DZIP3: variants seen among roughly 807,000 people sequenced by gnomAD.
DZIP3 encodes the protein E3 ubiquitin-protein ligase DZIP3.
In DZIP3, 118 loss-of-function variants were observed where a neutral mutation model predicts 162.0. The observed-to-expected ratio is 0.73, with a 90% CI of 0.63 to 0.85. The LOEUF is 0.85. Among genes scored for constraint, DZIP3 ranks in the 40% least tolerant of loss-of-function variants. The probability of loss-of-function intolerance (pLI) is 0.00; values close to 1 mark genes in which losing one functional copy is unlikely to be tolerated. For synonymous variants in DZIP3, 438 were observed against 458.6 expected (o/e 0.96, Z 0.57); for missense variants, 1,331 against 1,407.0 (o/e 0.95, Z 0.86).
intron 4 of DZIP3, among the ~76,000 whole-genome samples, chr3:108,615,173 A>T (rs917047397): frequency 6.6e-6 from 1 of 152,218 alleles, no homozygotes; most frequent in Non-Finnish European, 1.5e-5. Context: ...TCAGCTCTCC[A>T]GAGATTGCCT....
intron 5 of DZIP3, among the ~76,000 whole-genome samples, chr3:108,621,183 T>A (rs754692456): frequency 7.9e-5 from 12 of 152,360 alleles, no homozygotes; most frequent in Non-Finnish European, 1.5e-4. Context: ...TATTATTTAA[T>A]GTGTTCTTGA....
At chr3:108,648,769 C>A in intron 16 of DZIP3, 149 bp from the exon 17 acceptor site, 3 of 362,648 alleles carry the variant, frequency 8.3e-6, no homozygotes, top group Admixed American at 5.1e-5. Flanking sequence ...ATGATAAAAA[C>A]AAAAATAATT....
intron 19 of DZIP3, among the ~76,000 whole-genome samples, chr3:108,660,745 A>G (rs1368376901): frequency 1.3e-5 from 2 of 152,052 alleles, no homozygotes; most frequent in Admixed American, 6.6e-5. Flanking sequence ...CTCATCTGAC[A>G]AAGGGCTAAT....
rs149366897 is a variant in DZIP3, at chr3:108,667,723, TTAAC to T, written c.2424-1955_2424-1952del. 6.9e-3 allele frequency among the ~76,000 whole-genome samples: 1,044 copies of T among 152,290 alleles called. 5 individuals are homozygous for T. Among genetic ancestry groups the T allele is most frequent in the African/African-American group, 0.024 (986 of 41,576 alleles). On this transcript the variant is annotated intron_variant, in intron 21 of 32. Transcript: ENST00000361582. The stretch of plus-strand genomic sequence containing the variant: ...TTACAATTATCTTGAAATAAAAAGT[TTAAC>T]TATTTTAAAAAGTACATAATGAAAA...
At chr3:108,686,228 G>A (rs1197887000) in intron 27 of DZIP3, among the ~76,000 whole-genome samples, 2 of 152,188 alleles carry the variant, frequency 1.3e-5, no homozygotes, top group African/African-American at 4.8e-5. Context: ...AAAAGGGATT[G>A]TGTATGCCAG....
At chr3:108,650,236 T>A (rs1942802577) in intron 17 of DZIP3, among the ~76,000 whole-genome samples, 1 of 151,832 alleles carries the variant, frequency 6.6e-6, no homozygotes, top group South Asian at 2.1e-4. Context: ...TGAGAAATAA[T>A]CCATTATGCT....
intron 25 of DZIP3, among the ~76,000 whole-genome samples, chr3:108,676,903 G>A (rs1944131615): frequency 6.6e-6 from 1 of 152,036 alleles, no homozygotes; most frequent in Admixed American, 6.6e-5. Flanking sequence ...CAAAAGTGGG[G>A]ACAATGCCAA....
At chr3:108,627,058 C>G (rs1941620642) in intron 7 of DZIP3, among the ~76,000 whole-genome samples, 1 of 152,154 alleles carries the variant, frequency 6.6e-6, no homozygotes, top group South Asian at 2.1e-4. Context: ...ACTTCTTGTT[C>G]ACTGGGTCTG....
chr3:108,650,844 T>C (rs1423162341), intron 17 of DZIP3, among the ~76,000 whole-genome samples: 2 of 151,622 alleles, frequency 1.3e-5, no homozygotes, highest in African/African-American at 2.4e-5. Flanking sequence ...TAGTAGATAA[T>C]AAGACCAATT....
intron 8 of DZIP3, among the ~76,000 whole-genome samples, chr3:108,629,572 CTTCA>C: frequency 6.6e-6 from 1 of 152,096 alleles, no homozygotes; most frequent in East Asian, 1.9e-4. Context: ...TATATTTCTT[CTTCA>C]AATGGAAAAA....
At chr3:108,665,767 C>A (rs980901386) in intron 21 of DZIP3, among the ~76,000 whole-genome samples, 1 of 151,988 alleles carries the variant, frequency 6.6e-6, no homozygotes. Flanking sequence ...ACAGATTTTT[C>A]GTTTGAAACC....
intron 21 of DZIP3, among the ~76,000 whole-genome samples, chr3:108,666,587 C>A (rs1262983120): frequency 1.3e-5 from 2 of 152,152 alleles, no homozygotes; most frequent in African/African-American, 4.8e-5. Context: ...CAGTAGAATA[C>A]ACATGCTTTC....
chr3:108,636,716 T>A lies in DZIP3; in HGVS notation c.1011+8T>A. The A allele has an allele frequency of 6.6e-7, 1 of 1,506,344 alleles. No individual in the cohort carries two copies. Among genetic ancestry groups the A allele is most frequent in the Non-Finnish European group, 8.8e-7 (1 of 1,136,832 alleles). 93.3% of individuals were successfully genotyped at this position (1,506,344 alleles called of 1,614,324 possible). ...GGAATTGTTAAAATTTTGGTGAGTA[T>A]CTTGTTTTGTCCTTTTTTTTTTTTC... On this transcript the variant is annotated splice_region_variant and intron_variant, in intron 11 of 32. Coordinates refer to ENST00000361582, the MANE Select transcript of DZIP3 (RefSeq NM_014648.4).
chr3:108,680,298 A>G (rs1944259235), intron 26 of DZIP3, among the ~76,000 whole-genome samples: 1 of 152,104 alleles, frequency 6.6e-6, no homozygotes, highest in African/African-American at 2.4e-5. Flanking sequence ...TAGCCAGAGC[A>G]GTTAGGCAAG....
chr3:108,632,912 A>G, intron 8 of DZIP3, 41 bp from the exon 9 acceptor site: 2 of 1,168,976 alleles, frequency 1.7e-6, no homozygotes. Context: ...TTAATTTATT[A>G]TTAGTAATTC....
chr3:108,616,265 AAAATAAATAAAT>A (rs200164808), intron 4 of DZIP3, among the ~76,000 whole-genome samples: 88 of 145,376 alleles, frequency 6.1e-4, no homozygotes, highest in South Asian at 2.2e-3. Context: ...CTCCATCTCA[AAAATAAATAAAT>A]AAATAAATAA....
At chr3:108,646,342 C>A (rs572764118) in intron 14 of DZIP3, among the ~76,000 whole-genome samples, 1 of 152,128 alleles carries the variant, frequency 6.6e-6, no homozygotes, top group South Asian at 2.1e-4. Flanking sequence ...CATAAATATT[C>A]GTTGCTTGGT....
In DZIP3 at chr3:108,648,913, A is replaced by G. The variant is rs748043352; in HGVS notation, c.1963-5A>G. 8.5e-6 allele frequency: 10 copies of G among 1,173,900 alleles called. No homozygotes were observed. The African/African-American group carries it at 1.2e-4, about 14-fold the overall frequency. 72.7% of individuals were successfully genotyped at this position (1,173,900 alleles called of 1,614,324 possible). ...ATATTTAATAAATAATTTTTTACCTACTAGGTTAAGAGTAAACAAAGGAAA... is the reference window on the plus strand; with the variant it reads ...ATATTTAATAAATAATTTTTTACCTGCTAGGTTAAGAGTAAACAAAGGAAA... On this transcript the variant is annotated splice_region_variant and splice_polypyrimidine_tract_variant and intron_variant, in intron 16 of 32. Coordinates refer to ENST00000361582, the MANE Select transcript of DZIP3 (RefSeq NM_014648.4).
At chr3:108,618,792 G>A (rs1941158972) in intron 5 of DZIP3, among the ~76,000 whole-genome samples, 3 of 152,094 alleles carry the variant, frequency 2.0e-5, no homozygotes, top group African/African-American at 7.2e-5. Flanking sequence ...GCCGGGCGCG[G>A]TGGCTCACAT....
Sources: gnomAD v4.1 joint callset for allele counts (sites outside exome capture counted in the v4.1 genomes callset) on GRCh38, gnomAD v4.1.1 for gene constraint, MANE v1.5 for transcripts, NCBI Gene and HGNC (gene_info 2026-07-23, HGNC 2026-07-21) for gene names.